NCOA2: variants seen among roughly 807,000 people sequenced by gnomAD.
NCOA2 encodes the protein nuclear receptor coactivator 2, also known as class E basic helix-loop-helix protein 75.
In NCOA2, 21 loss-of-function variants were observed where a neutral mutation model predicts 145.1. The ratio of observed to expected loss-of-function variants is 0.14; its 90% CI spans 0.10 to 0.21. The LOEUF is 0.21. Among genes scored for constraint, NCOA2 ranks in the 10% least tolerant of loss-of-function variants. The pLI is 1.00. For missense variants in NCOA2, 1,472 were observed against 1,837.6 expected (o/e 0.80, Z 3.64); for synonymous variants, 619 against 637.5 (o/e 0.97, Z 0.44).
intron 1 of NCOA2, among the ~76,000 whole-genome samples, chr8:70,352,305 C>T (rs1166417872): frequency 2.6e-5 from 4 of 151,922 alleles, no homozygotes; most frequent in African/African-American, 9.7e-5. Context: ...AAAAAATTGC[C>T]CAATGTCCAG....
Position 70,228,876 on chromosome 8 carries a change from C to G in NCOA2, c.-19-12112G>C, listed in dbSNP as rs533589247. ...TAATCCATCAAGCTGAAATTTAAAC[C>G]CTGGTTCTAGTTGGGATAGAATGAC... On this transcript the variant is annotated intron_variant, in intron 2 of 22. Transcript: ENST00000452400. Among the ~76,000 whole-genome samples, 10 of 152,130 alleles carry G rather than the reference C, an allele frequency of 6.6e-5. No homozygotes were observed. The East Asian group carries it at 1.3e-3, about 21-fold the overall frequency.
chr8:70,389,188 A>C (rs1812951534), intron 1 of NCOA2, among the ~76,000 whole-genome samples: 1 of 152,090 alleles, frequency 6.6e-6, no homozygotes, highest in African/African-American at 2.4e-5. Context: ...TTTTCCTCCC[A>C]ACTGACCCAA....
intron 2 of NCOA2, among the ~76,000 whole-genome samples, chr8:70,275,527 T>C (rs1825399327): frequency 6.6e-6 from 1 of 152,224 alleles, no homozygotes. Flanking sequence ...CTTAAATTAT[T>C]TTATATGTAG....
chr8:70,440,557 A>G, the NCOA2 span, among the ~76,000 whole-genome samples: 1 of 151,920 alleles, frequency 6.6e-6, no homozygotes, highest in South Asian at 2.1e-4. Flanking sequence ...TGGGTGGCAG[A>G]GTGAGATAAG....
At chr8:70,441,758 AAGAG>A in the NCOA2 span, among the ~76,000 whole-genome samples, 6 of 150,570 alleles carry the variant, frequency 4.0e-5, no homozygotes, top group Admixed American at 6.6e-5. Flanking sequence ...GAGAGAAAGA[AAGAG>A]AGAGAAAGAA....
intron 1 of NCOA2, among the ~76,000 whole-genome samples, chr8:70,397,013 T>C (rs758459241): frequency 1.3e-5 from 2 of 152,190 alleles, no homozygotes; most frequent in Non-Finnish European, 2.9e-5. Context: ...TTCTGGAAAA[T>C]GGAGGTAACC....
At chr8:70,213,760 G>T (rs1298571869) in intron 4 of NCOA2, 143 bp downstream of exon 4, 2 of 703,066 alleles carry the variant, frequency 2.8e-6, no homozygotes, top group Non-Finnish European at 2.3e-6. Context: ...AGTGATACTT[G>T]CATTCATCTT....
intron 14 of NCOA2, 89 bp from the exon 15 acceptor site, chr8:70,138,421 T>C (rs765011569): frequency 1.8e-4 from 230 of 1,283,950 alleles, no homozygotes; most frequent in Middle Eastern, 4.7e-4. Context: ...GTCTGGTTTA[T>C]GAAAAAGGGA....
At chr8:70,315,832 C>T (rs16919202) in intron 1 of NCOA2, among the ~76,000 whole-genome samples, 11,530 of 152,258 alleles carry the variant, frequency 0.076, 540 homozygotes, top group East Asian at 0.12. Flanking sequence ...ACAGGCCACA[C>T]GGCTGGCGGC....
chr8:70,424,260 A>G, the NCOA2 span: 1 of 386,016 alleles, frequency 2.6e-6, no homozygotes, highest in Non-Finnish European at 5.0e-6. Flanking sequence ...CCAGGTCTTC[A>G]CGGAGCTTGT....
chr8:70,332,846 A>C (rs1194414059), intron 1 of NCOA2, among the ~76,000 whole-genome samples: 6 of 152,206 alleles, frequency 3.9e-5, no homozygotes, highest in African/African-American at 1.4e-4. Context: ...TAATACAGAG[A>C]AGAATAAAGC....
intron 1 of NCOA2, among the ~76,000 whole-genome samples, chr8:70,332,707 A>G (rs1304979235): frequency 6.6e-6 from 1 of 152,184 alleles, no homozygotes; most frequent in African/African-American, 2.4e-5. Context: ...ATTTTAAATA[A>G]TTCACAAGTG....
rs532279643 is a variant in NCOA2 at position 70,209,855 on chromosome 8, G to A, written c.259+4048C>T. On this transcript the variant is annotated intron_variant, in intron 4 of 22. Transcript: ENST00000452400. Reference sequence around the variant, plus strand: ...TTATTTTATATTCGCTTTATGGTGCGGATCTGGAACTGAACCTGCAGTATC... The same window carrying A: ...TTATTTTATATTCGCTTTATGGTGCAGATCTGGAACTGAACCTGCAGTATC... Among the ~76,000 whole-genome samples the A allele has an allele frequency of 8.5e-5, 13 of 152,184 alleles. No individual in the cohort carries two copies. The East Asian group carries it at 1.5e-3, about 18-fold the overall frequency.
chr8:70,308,474 CAT>C (rs547628192), intron 1 of NCOA2, among the ~76,000 whole-genome samples: 12 of 151,962 alleles, frequency 7.9e-5, no homozygotes, highest in Middle Eastern at 3.4e-3. Flanking sequence ...TATACATACA[CAT>C]ATATGTGTGT....
intron 1 of NCOA2, among the ~76,000 whole-genome samples, chr8:70,317,951 CA>C: frequency 6.6e-6 from 1 of 151,664 alleles, no homozygotes; most frequent in Non-Finnish European, 1.5e-5. Context: ...ATGAAGTTTT[CA>C]AAAAAAATTG....
the NCOA2 span, among the ~76,000 whole-genome samples, chr8:70,455,407 A>G: frequency 6.6e-6 from 1 of 152,226 alleles, no homozygotes; most frequent in African/African-American, 2.4e-5. Context: ...ATAGCTTTAA[A>G]TTTGCTTAGA....
chr8:70,141,460 G>A, intron 13 of NCOA2, 61 bp from the exon 14 acceptor site: 1 of 1,401,242 alleles, frequency 7.1e-7, no homozygotes, highest in South Asian at 1.2e-5. Flanking sequence ...TAGCATGTAT[G>A]AACACCAGAT....
At chr8:70,123,448 C>T (rs962159826) in intron 21 of NCOA2, among the ~76,000 whole-genome samples, 2 of 152,100 alleles carry the variant, frequency 1.3e-5, no homozygotes, top group Admixed American at 6.6e-5. Context: ...AGCCGGGAGA[C>T]GGATGTTGCA....
chr8:70,111,695 G>C lies in NCOA2; in HGVS notation c.*1937C>G. 1 of 215,472 alleles carries C rather than the reference G, an allele frequency of 4.6e-6. No individual in the cohort carries two copies. The allele number at this position is 215,472 out of a possible 1,614,324, so 13.3% of individuals were successfully genotyped here. A position where few individuals can be genotyped will look rare whatever the true frequency, so the allele number is the denominator to read the frequency against. ...GACTGTCTACTTACCATCTATCTTT[G>C]GGCTATATCTCTTCCTATATTTCCA... is the stretch of plus-strand genomic sequence containing the variant. On this transcript the variant is annotated 3_prime_UTR_variant, in exon 23 of 23. Transcript: ENST00000452400.
Sources: gnomAD v4.1 joint callset for allele counts (sites outside exome capture counted in the v4.1 genomes callset) on GRCh38, gnomAD v4.1.1 for gene constraint, MANE v1.5 for transcripts, NCBI Gene and HGNC (gene_info 2026-07-23, HGNC 2026-07-21) for gene names.